The following TTL variants were observed in gnomAD, a reference collection of about 807,000 sequenced individuals.
The protein encoded by TTL is tubulin--tyrosine ligase.
In TTL, 10 loss-of-function variants were observed where a neutral mutation model predicts 41.1. That is an observed-to-expected ratio of 0.24 (90% CI 0.15 to 0.41). The LOEUF is 0.41. Among genes scored for constraint, TTL ranks in the 10% least tolerant of loss-of-function variants. The pLI is 1.00. For synonymous variants in TTL, 175 were observed against 175.5 expected (o/e 1.00, Z 0.02); for missense variants, 367 against 460.4 (o/e 0.80, Z 1.86).
Position 112,529,572 on chromosome 2 carries a change from T to G in TTL, c.*777T>G, listed in dbSNP as rs1682455931. The G allele has an allele frequency of 4.4e-6, 1 of 229,142 alleles. No individual in the cohort carries two copies. Among genetic ancestry groups the G allele is most frequent in the Admixed American group, 5.7e-5 (1 of 17,618 alleles). The allele number at this position is 229,142 out of a possible 1,614,324, so 14.2% of individuals were successfully genotyped here. On this transcript the variant is annotated 3_prime_UTR_variant, in exon 7 of 7. Coordinates refer to ENST00000233336, the MANE Select transcript of TTL (RefSeq NM_153712.5). ...GATGATTCAATTTTCTCAATTTTCT[T>G]TGCTTTAACCAAAATTCTAAATGCA...
chr2:112,500,634 A>G (rs1393818377), intron 3 of TTL, among the ~76,000 whole-genome samples: 4 of 152,298 alleles, frequency 2.6e-5, no homozygotes, highest in African/African-American at 9.6e-5. Flanking sequence ...AAACTCTTGA[A>G]TATACTCAAA....
At position 112,533,100 on chromosome 2, in the gene TTL, A is replaced by T. The variant is rs568521611; in HGVS notation, c.*4305A>T. 6.6e-6 allele frequency: 1 copy of T among 152,326 alleles called. No homozygotes were observed. The highest frequency in any genetic ancestry group is 1.9e-4 in the East Asian group (1 of 5,192). The allele number at this position is 152,326 out of a possible 1,614,324, so 9.4% of individuals were successfully genotyped here. On this transcript the variant is annotated 3_prime_UTR_variant, in exon 7 of 7. Transcript: ENST00000233336. ...TGTGCAATAAGGCTGAATGCTTTGG[A>T]CATCTTTCCTTTGTATGGCTGGCCT...
At position 112,541,197 on chromosome 2, in the gene TTL, A is replaced by C. The variant is rs1158644132; in HGVS notation, c.*12402A>C. 6.6e-6 allele frequency: 1 copy of C among 152,194 alleles called. No homozygotes were observed. The highest frequency in any genetic ancestry group is 1.5e-5 in the Non-Finnish European group (1 of 68,048). 9.4% of individuals were successfully genotyped at this position (152,194 alleles called of 1,614,324 possible). On this transcript the variant is annotated 3_prime_UTR_variant, in exon 7 of 7. Coordinates refer to ENST00000233336, the MANE Select transcript of TTL (RefSeq NM_153712.5). The stretch of plus-strand genomic sequence containing the variant: ...CAATGATGTCTTAGATATGATATAA[A>C]AAGACAGGCAACAAAAGAAAAAAAC...
In TTL at chr2:112,541,003, T is replaced by C. The variant is rs955030113; in HGVS notation, c.*12208T>C. On this transcript the variant is annotated 3_prime_UTR_variant, in exon 7 of 7. Transcript: ENST00000233336. ...TTCAAAAATAACTGAGGAAGTACAA[T>C]TGGAATGTTCATGACAGAAATGATG... is the stretch of plus-strand genomic sequence containing the variant. 4 of 152,298 alleles carry C rather than the reference T, an allele frequency of 2.6e-5. No homozygotes were observed. The highest frequency in any genetic ancestry group is 3.4e-3 in the Middle Eastern group (1 of 294). The allele number at this position is 152,298 out of a possible 1,614,324, so 9.4% of individuals were successfully genotyped here.
rs749572566 is a variant in TTL at position 112,503,177 on chromosome 2, A to G, written c.871A>G (p.Ile291Val). Residue 291 changes from isoleucine (I) to valine (V), a missense_variant, in exon 5 of 7, where the codon ATA (isoleucine) becomes GTA (valine). Physicochemically the swap from Ile to Val is conservative, Grantham distance 29 (BLOSUM62 3). Coordinates refer to ENST00000233336, the MANE Select transcript of TTL (RefSeq NM_153712.5). ...SSILLQIKHIIRNCLLSVEPA... is the reference protein window; with the variant it reads ...SSILLQIKHIVRNCLLSVEPA... ...TATCTTACTACAAATCAAACATATA[A>G]TAAGGTAACTTAATTGTATCTTTTT... The G allele has an allele frequency of 2.5e-6, 4 of 1,585,550 alleles. No individual in the cohort carries two copies. The East Asian group carries it at 9.0e-5, about 36-fold the overall frequency.
chr2:112,518,650 G>A (rs1682137550), intron 5 of TTL, among the ~76,000 whole-genome samples: 1 of 150,458 alleles, frequency 6.6e-6, no homozygotes, highest in African/African-American at 2.4e-5. Flanking sequence ...ATGGACGACA[G>A]TTCCCTGTAT....
At chr2:112,509,043 C>T (rs1681848899) in intron 5 of TTL, among the ~76,000 whole-genome samples, 1 of 97,822 alleles carries the variant, frequency 1.0e-5, no homozygotes, top group Non-Finnish European at 2.0e-5. Context: ...AGACAGGACC[C>T]TCAGCTGCAG....
intron 5 of TTL, among the ~76,000 whole-genome samples, chr2:112,518,093 T>C (rs1278200128): frequency 6.6e-6 from 1 of 151,536 alleles, no homozygotes; most frequent in African/African-American, 2.4e-5. Context: ...CCTGAGTTGC[T>C]GGGTTGCTGG....
chr2:112,527,914 T>C (rs1478326502), intron 6 of TTL, among the ~76,000 whole-genome samples: 2 of 152,232 alleles, frequency 1.3e-5, no homozygotes, highest in African/African-American at 4.8e-5. Context: ...GCATCTATGG[T>C]CTTTACAGTT....
rs1316316375 is a variant in TTL, at chr2:112,541,629, T to C, written c.*12834T>C. The stretch of plus-strand genomic sequence containing the variant: ...TTAATTGTGGTGATGGCTGCATGGT[T>C]GTATACATAGGTCAAAACTTAACGC... On this transcript the variant is annotated 3_prime_UTR_variant, in exon 7 of 7. Coordinates refer to ENST00000233336, the MANE Select transcript of TTL (RefSeq NM_153712.5). 1 of 166,342 alleles carries C rather than the reference T, an allele frequency of 6.0e-6. No homozygotes were observed. The highest frequency in any genetic ancestry group is 2.4e-5 in the African/African-American group (1 of 41,590). 10.3% of individuals were successfully genotyped at this position (166,342 alleles called of 1,614,324 possible). A position where few individuals can be genotyped will look rare whatever the true frequency, so the allele number is the denominator to read the frequency against.
intron 5 of TTL, among the ~76,000 whole-genome samples, chr2:112,503,419 A>T (rs944987216): frequency 2.4e-5 from 3 of 127,576 alleles, no homozygotes; most frequent in Non-Finnish European, 5.0e-5. Context: ...ATATATATAT[A>T]TTTATATATT....
rs769851737 is a variant in TTL at position 112,536,074 on chromosome 2, G to A, written c.*7279G>A. On this transcript the variant is annotated 3_prime_UTR_variant, in exon 7 of 7. Transcript: ENST00000233336. ...TTCAGTTCCATCCATGTTGTTGGAA[G>A]TGACAGGATCTCACTCTTTATGGCT... The A allele has an allele frequency of 3.3e-5, 5 of 152,184 alleles. No individual in the cohort carries two copies. Among genetic ancestry groups the A allele is most frequent in the Non-Finnish European group, 5.9e-5 (4 of 68,048 alleles). The allele number at this position is 152,184 out of a possible 1,614,324, so 9.4% of individuals were successfully genotyped here. A position where few individuals can be genotyped will look rare whatever the true frequency, so the allele number is the denominator to read the frequency against.
chr2:112,497,898 G>C (rs1319312730), intron 3 of TTL, among the ~76,000 whole-genome samples: 2 of 152,206 alleles, frequency 1.3e-5, no homozygotes, highest in African/African-American at 4.8e-5. Flanking sequence ...TATTAAAATG[G>C]TTATAATAAG....
At chr2:112,497,072 A>C (rs552926691) in intron 3 of TTL, among the ~76,000 whole-genome samples, 4 of 151,678 alleles carry the variant, frequency 2.6e-5, no homozygotes, top group Admixed American at 2.6e-4. Context: ...CGCCCGCCTC[A>C]GCCTCCCAAA....
chr2:112,482,570 A>T lies in TTL; in HGVS notation c.157+69A>T. The T allele has an allele frequency of 6.8e-7, 1 of 1,475,692 alleles. No individual in the cohort carries two copies. Among genetic ancestry groups the T allele is most frequent in the Non-Finnish European group, 9.0e-7 (1 of 1,107,698 alleles). 91.4% of individuals were successfully genotyped at this position (1,475,692 alleles called of 1,614,324 possible). A position where few individuals can be genotyped will look rare whatever the true frequency, so the allele number is the denominator to read the frequency against. ...CTGCGCGCCTCCCGCGGCCCGTTAG[A>T]ACCGGCGCTTTTGTTTTTAAAGGTC... On this transcript the variant is annotated intron_variant, in intron 1 of 6. Transcript: ENST00000233336. This position sits in a 1 kb window ranked among gnomAD's most constrained non-coding sequence, Gnocchi z 5.3.
At chr2:112,496,741 T>G (rs1288272289) in intron 3 of TTL, among the ~76,000 whole-genome samples, 1 of 147,858 alleles carries the variant, frequency 6.8e-6, no homozygotes, top group African/African-American at 2.5e-5. Flanking sequence ...AAGGTCTCAC[T>G]TTGTTGCCCA....
intron 3 of TTL, among the ~76,000 whole-genome samples, chr2:112,500,884 G>T (rs1681675734): frequency 6.8e-6 from 1 of 147,658 alleles, no homozygotes. Context: ...TCTTTATTGT[G>T]GTAGCCAGTG....
intron 5 of TTL, among the ~76,000 whole-genome samples, chr2:112,517,190 T>C (rs1490870951): frequency 1.3e-5 from 2 of 151,792 alleles, no homozygotes; most frequent in Non-Finnish European, 1.5e-5. Context: ...TTAGTTTTGA[T>C]TTGCTTCTGA....
rs945962788 is a variant in TTL at position 112,535,752 on chromosome 2, TA to T, written c.*6962del. The T allele has an allele frequency of 3.1e-5, 4 of 130,718 alleles. No homozygotes were observed. The highest frequency in any genetic ancestry group is 2.5e-4 in the South Asian group (1 of 3,934). The allele number at this position is 130,718 out of a possible 1,614,324, so 8.1% of individuals were successfully genotyped here. ...TAGAGATTGGCAAATTGATTTTTTT[TA>T]AAAATCATGATCCAACTATATGCTA... On this transcript the variant is annotated 3_prime_UTR_variant, in exon 7 of 7. Coordinates refer to ENST00000233336, the MANE Select transcript of TTL (RefSeq NM_153712.5).
Sources: allele counts gnomAD v4.1 joint callset (sites outside exome capture counted in the v4.1 genomes callset), GRCh38; gene constraint gnomAD v4.1.1; non-coding constraint Gnocchi (gnomAD v3.1); transcripts MANE v1.5; gene names NCBI Gene and HGNC (gene_info 2026-07-23, HGNC 2026-07-21).